Variants in TMEM181 observed in about 807,000 individuals in gnomAD.
The protein encoded by TMEM181 is transmembrane protein 181.
A neutral mutation model predicts 71.9 loss-of-function variants in TMEM181; 39 were observed. The ratio of observed to expected loss-of-function variants is 0.54; its 90% CI spans 0.42 to 0.71. The LOEUF (loss-of-function observed/expected upper bound fraction) is 0.71, where lower values mean the gene tolerates loss of function less well. TMEM181 is among the 30% of genes least tolerant of loss of function. The probability of loss-of-function intolerance (pLI) is 0.00; values close to 1 mark genes in which losing one functional copy is unlikely to be tolerated. For missense variants in TMEM181, 595 were observed against 583.0 expected (o/e 1.02, Z -0.21); for synonymous variants, 245 against 228.8 (o/e 1.07, Z -0.64).
At chr6:158,560,522 C>CG (rs535874911) in intron 1 of TMEM181, among the ~76,000 whole-genome samples, 191 of 152,238 alleles carry the variant, frequency 1.3e-3, no homozygotes, top group African/African-American at 4.3e-3. Context: ...CAGCGCTCAC[C>CG]GGGGGGCCGA....
rs189597784 is a variant in TMEM181 at position 158,625,175 on chromosome 6, G to A, written c.1026G>A (p.Ala342=). 478 of 1,614,190 alleles carry A rather than the reference G, an allele frequency of 3.0e-4. 1 individual carries two copies. The East Asian group carries it at 9.0e-3, about 30-fold the overall frequency. ...ILYLLFLIVR[A]CSELRHMPYV... The stretch of plus-strand genomic sequence containing the variant: ...ACCTCTTGTTCTTGATAGTGCGGGC[G>A]TGTTCCGAGCTACGTCACATGCCTT... Residue 342 remains alanine (A), a synonymous_variant, in exon 12 of 17, where the codon GCG becomes GCA. Transcript: ENST00000684151.
At chr6:158,545,530 C>A (rs1398542198) in intron 1 of TMEM181, among the ~76,000 whole-genome samples, 3 of 152,260 alleles carry the variant, frequency 2.0e-5, no homozygotes, top group Non-Finnish European at 4.4e-5. Context: ...TTTCCAGCTG[C>A]TGTGGGATGC....
At chr6:158,600,458 A>ATTATTTT (rs1784608650) in intron 6 of TMEM181, among the ~76,000 whole-genome samples, 1 of 91,854 alleles carries the variant, frequency 1.1e-5, no homozygotes. Context: ...CCTAGGGTTA[A>ATTATTTT]TTTTTTTTTT....
upstream of TMEM181, chr6:158,559,969 C>CACG: frequency 2.2e-5 from 18 of 836,144 alleles, no homozygotes; most frequent in Non-Finnish European, 2.6e-5. Context: ...CGCCCCGGCA[C>CACG]GGGGCCACGA....
chr6:158,610,007 G>A (rs1785202297), intron 10 of TMEM181: 1 of 222,224 alleles, frequency 4.5e-6, no homozygotes, highest in South Asian at 7.9e-5. Context: ...TGGCCAGGTA[G>A]CTGCAGTGAA....
intron 6 of TMEM181, among the ~76,000 whole-genome samples, chr6:158,595,991 G>A (rs1334798293): frequency 2.6e-5 from 4 of 152,004 alleles, no homozygotes; most frequent in African/African-American, 9.7e-5. Flanking sequence ...GCGCGATCTC[G>A]GCTCACTGCA....
Position 158,609,999 on chromosome 6 carries a change from G to A in TMEM181, c.896+1249G>A, listed in dbSNP as rs116485328. On this transcript the variant is annotated intron_variant, in intron 10 of 16. Transcript: ENST00000684151. ...AAAGTACTTCAGCAGGGGTTCCATG[G>A]CCAGGTAGCTGCAGTGAAGCAATGC... The A allele has an allele frequency of 2.5e-3, 563 of 222,590 alleles. 3 individuals are homozygous for A. Among genetic ancestry groups the A allele is most frequent in the African/African-American group, 0.012 (516 of 43,568 alleles). 13.8% of individuals were successfully genotyped at this position (222,590 alleles called of 1,614,324 possible).
At chr6:158,588,734 C>T (rs1783929575) in intron 5 of TMEM181, among the ~76,000 whole-genome samples, 1 of 152,252 alleles carries the variant, frequency 6.6e-6, no homozygotes, top group African/African-American at 2.4e-5. Flanking sequence ...AGGCGTGAGC[C>T]ACCACGCCCA....
chr6:158,550,078 G>C (rs944557859), intron 1 of TMEM181, among the ~76,000 whole-genome samples: 2 of 148,548 alleles, frequency 1.3e-5, no homozygotes, highest in African/African-American at 5.0e-5. Context: ...GTTAGGTTTT[G>C]ATGTCCCTCC....
chr6:158,594,133 C>G (rs941908840), intron 6 of TMEM181, among the ~76,000 whole-genome samples: 1 of 125,884 alleles, frequency 7.9e-6, no homozygotes, highest in Non-Finnish European at 1.6e-5. Flanking sequence ...GAGACAGAGT[C>G]TGTTGCCCAG....
At chr6:158,607,418 C>A in intron 8 of TMEM181, 75 bp downstream of exon 8, 1 of 1,394,582 alleles carries the variant, frequency 7.2e-7, no homozygotes, top group South Asian at 1.2e-5. Flanking sequence ...AGGGTTGTGC[C>A]TGTCATCCCA....
At chr6:158,580,190 C>T (rs183156592) in intron 2 of TMEM181, among the ~76,000 whole-genome samples, 144 of 152,084 alleles carry the variant, frequency 9.5e-4, no homozygotes, top group Middle Eastern at 3.4e-3. Flanking sequence ...ATTAGCCGGG[C>T]GTGGTGGCGC....
intron 1 of TMEM181, among the ~76,000 whole-genome samples, chr6:158,563,959 G>A (rs988855972): frequency 6.6e-5 from 10 of 152,270 alleles, no homozygotes; most frequent in Admixed American, 6.5e-4. Context: ...TGTATTTTTA[G>A]TAGGGACACG....
intron 1 of TMEM181, among the ~76,000 whole-genome samples, chr6:158,550,141 G>A (rs929061526): frequency 6.6e-6 from 1 of 151,818 alleles, no homozygotes; most frequent in Non-Finnish European, 1.5e-5. Context: ...GTTGGAGGGC[G>A]TGAATAGTGG....
intron 8 of TMEM181, among the ~76,000 whole-genome samples, chr6:158,608,001 G>C (rs1447937896): frequency 1.3e-5 from 2 of 152,278 alleles, no homozygotes; most frequent in Non-Finnish European, 2.9e-5. Flanking sequence ...GCTGATGGCA[G>C]TGGCATACGG....
At chr6:158,574,130 G>C (rs1211101940) in intron 2 of TMEM181, among the ~76,000 whole-genome samples, 2 of 152,156 alleles carry the variant, frequency 1.3e-5, no homozygotes, top group Non-Finnish European at 2.9e-5. Flanking sequence ...CCATTGCTTT[G>C]TTTCCCTCTT....
At chr6:158,550,968 T>C (rs1421174870) in intron 1 of TMEM181, among the ~76,000 whole-genome samples, 1 of 142,278 alleles carries the variant, frequency 7.0e-6, no homozygotes, top group African/African-American at 2.5e-5. Context: ...ATCAATTCCT[T>C]TTTTTTTTTT....
At chr6:158,538,645 T>C (rs1438262049) in intron 1 of TMEM181, among the ~76,000 whole-genome samples, 1 of 152,218 alleles carries the variant, frequency 6.6e-6, no homozygotes, top group African/African-American at 2.4e-5. Flanking sequence ...GCTGTTGTTC[T>C]AGGCGTTGTG....
intron 1 of TMEM181, chr6:158,536,911 C>T (rs754647199): frequency 7.9e-7 from 1 of 1,265,650 alleles, no homozygotes; most frequent in Non-Finnish European, 1.0e-6. Flanking sequence ...GGCTTCCGGG[C>T]CGCAGTCCCC....
Sources: gnomAD v4.1 joint callset for allele counts (sites outside exome capture counted in the v4.1 genomes callset) on GRCh38, gnomAD v4.1.1 for gene constraint, MANE v1.5 for transcripts, NCBI Gene and HGNC (gene_info 2026-07-23, HGNC 2026-07-21) for gene names.